Variants in EPHB1 observed in about 807,000 individuals in gnomAD.
The protein encoded by EPHB1 is EPH receptor B1.
In EPHB1, 30 loss-of-function variants were observed where a neutral mutation model predicts 94.4. The observed-to-expected ratio is 0.32, with a 90% confidence interval of 0.24 to 0.43. The LOEUF is 0.43. EPHB1 is among the 20% of genes least tolerant of loss of function. EPHB1 has a pLI of 1.00. For synonymous variants in EPHB1, 522 were observed against 489.1 expected, an observed-to-expected ratio of 1.07 and a Z score of -0.89; for missense variants, 1,055 against 1,308.3, an observed-to-expected ratio of 0.81 and a Z score of 2.99.
chr3:135,085,315 C>T (rs1031939035), intron 3 of EPHB1, among the ~76,000 whole-genome samples: 1 of 152,204 alleles, frequency 6.6e-6, no homozygotes. Context: ...AAGTTTATAG[C>T]CACACCACAT....
intron 3 of EPHB1, among the ~76,000 whole-genome samples, chr3:134,974,776 A>G (rs184659696): frequency 6.6e-6 from 1 of 152,252 alleles, no homozygotes; most frequent in Non-Finnish European, 1.5e-5. Context: ...TCCTTGAGTC[A>G]GACTGTGAGC....
chr3:135,231,985 G>A (rs1281017712), intron 12 of EPHB1, among the ~76,000 whole-genome samples: 1 of 152,214 alleles, frequency 6.6e-6, no homozygotes, highest in Non-Finnish European at 1.5e-5. Flanking sequence ...TCTTTCAGAA[G>A]ATGAGAGACT....
At chr3:134,985,279 G>A (rs534306160) in intron 3 of EPHB1, among the ~76,000 whole-genome samples, 1 of 151,954 alleles carries the variant, frequency 6.6e-6, no homozygotes, top group East Asian at 1.9e-4. Flanking sequence ...TCAGCCTCCC[G>A]AGTAGAGTAG....
chr3:135,236,089 A>C (rs1192218275), intron 12 of EPHB1, among the ~76,000 whole-genome samples: 2 of 152,162 alleles, frequency 1.3e-5, no homozygotes, highest in African/African-American at 4.8e-5. Flanking sequence ...TCACAAACTA[A>C]ACAGCTTTAA....
rs777989663 is a variant in EPHB1, at chr3:134,795,707, G to A, written c.58+18G>A. ...GATGGAAGGTAACGTACCCTCCACG[G>A]AGCAAGTTGGCTGCTGGTGCCGGCC... On this transcript the variant is annotated intron_variant, in intron 1 of 15. Coordinates refer to ENST00000398015, the MANE Select transcript of EPHB1 (RefSeq NM_004441.5). 3.1e-6 allele frequency: 5 copies of A among 1,608,270 alleles called. No homozygotes were observed. Among genetic ancestry groups the A allele is most frequent in the South Asian group, 1.1e-5 (1 of 90,464 alleles).
At position 135,173,180 on chromosome 3, in the gene EPHB1, G is replaced by A. The variant is rs1441684526; in HGVS notation, c.1759+6174G>A. On this transcript the variant is annotated intron_variant, in intron 9 of 15. Transcript: ENST00000398015. The stretch of plus-strand genomic sequence containing the variant: ...CTCCCAAGTAGCTGGGACTACAGGC[G>A]CGCGCCACTACGCCCGGCTAATTTT... Among the ~76,000 whole-genome samples, 3 of 150,230 alleles carry A rather than the reference G, an allele frequency of 2.0e-5. No homozygotes were observed. The East Asian group carries it at 5.9e-4, about 29-fold the overall frequency.
intron 4 of EPHB1, among the ~76,000 whole-genome samples, chr3:135,123,989 C>T (rs1468839104): frequency 6.6e-6 from 1 of 151,682 alleles, no homozygotes; most frequent in Non-Finnish European, 1.5e-5. Context: ...GCCCTCCTTA[C>T]AGTAACACCT....
At chr3:134,929,790 G>A in intron 2 of EPHB1, among the ~76,000 whole-genome samples, 1 of 152,212 alleles carries the variant, frequency 6.6e-6, no homozygotes, top group East Asian at 1.9e-4. Context: ...CATGGTGTGA[G>A]CTGCTGGAGC....
At chr3:134,994,685 T>C (rs112708057) in intron 3 of EPHB1, among the ~76,000 whole-genome samples, 96 of 152,298 alleles carry the variant, frequency 6.3e-4, no homozygotes, top group African/African-American at 2.3e-3. Flanking sequence ...CAGCCTCCCA[T>C]GCAGCTGGGA....
intron 12 of EPHB1, among the ~76,000 whole-genome samples, chr3:135,222,437 T>C (rs1480066315): frequency 6.6e-6 from 1 of 152,172 alleles, no homozygotes; most frequent in Non-Finnish European, 1.5e-5. Context: ...ATATGATCTT[T>C]TCTAGGATAT....
chr3:134,814,504 G>GAGT (rs1229134449), intron 1 of EPHB1, among the ~76,000 whole-genome samples: 2 of 152,186 alleles, frequency 1.3e-5, no homozygotes, highest in African/African-American at 4.8e-5. Context: ...ATGGTAACCA[G>GAGT]GATGGCTTCC....
At chr3:134,954,288 G>T (rs1450322385) in intron 3 of EPHB1, among the ~76,000 whole-genome samples, 1 of 152,206 alleles carries the variant, frequency 6.6e-6, no homozygotes, top group Non-Finnish European at 1.5e-5. Flanking sequence ...TCGAGCAAAA[G>T]TGGTGATCTT....
chr3:135,225,850 C>A (rs1029677083), intron 12 of EPHB1, among the ~76,000 whole-genome samples: 4 of 151,860 alleles, frequency 2.6e-5, no homozygotes, highest in South Asian at 2.1e-4. Context: ...GCAGGACAGG[C>A]AGGGAAGCAA....
At chr3:135,030,304 T>A (rs944780672) in intron 3 of EPHB1, among the ~76,000 whole-genome samples, 2 of 152,192 alleles carry the variant, frequency 1.3e-5, no homozygotes, top group Non-Finnish European at 2.9e-5. Flanking sequence ...GGCGCTCTGC[T>A]TTTTAGAGTT....
intron 1 of EPHB1, among the ~76,000 whole-genome samples, chr3:134,801,586 C>T (rs1426562324): frequency 4.6e-5 from 7 of 152,204 alleles, no homozygotes; most frequent in African/African-American, 1.7e-4. Flanking sequence ...TTCCATGTCT[C>T]CAAAGATGGT....
At position 135,248,417 on chromosome 3, in the gene EPHB1, C is replaced by T. The variant is rs1559890725; in HGVS notation, c.2598C>T (p.Asn866=). The T allele has an allele frequency of 6.2e-7, 1 of 1,613,998 alleles. No individual in the cohort carries two copies. Among genetic ancestry groups the T allele is most frequent in the East Asian group, 2.2e-5 (1 of 44,868 alleles). ...TGGACTGTTGGCAGAAGGACCGGAA[C>T]AGCCGGCCCCGGTTTGCGGAGATTG... ...LMLDCWQKDR[N]SRPRFAEIVN... is the part of the protein sequence containing the mutation. The change falls in exon 14 of 16, where the codon AAC becomes AAT. Residue 866 remains asparagine (N), a synonymous_variant. Transcript: ENST00000398015.
At chr3:134,866,777 C>T (rs1286274348) in intron 1 of EPHB1, among the ~76,000 whole-genome samples, 2 of 152,220 alleles carry the variant, frequency 1.3e-5, no homozygotes, top group Non-Finnish European at 2.9e-5. Flanking sequence ...ATCCATCTCT[C>T]CAGGGGCAGA....
intron 1 of EPHB1, among the ~76,000 whole-genome samples, chr3:134,803,772 C>T (rs2035979011): frequency 6.6e-6 from 1 of 152,218 alleles, no homozygotes; most frequent in Admixed American, 6.5e-5. Context: ...GCCTCTGTCT[C>T]CCAGTTCAGT....
intron 3 of EPHB1, among the ~76,000 whole-genome samples, chr3:135,030,804 T>C (rs371828807): frequency 1.2e-4 from 18 of 152,208 alleles, no homozygotes; most frequent in Non-Finnish European, 2.2e-4. Context: ...TGGGCAATGG[T>C]GGGCGCCCCT....
Sources: gnomAD v4.1 joint callset for allele counts (sites outside exome capture counted in the v4.1 genomes callset) on GRCh38, gnomAD v4.1.1 for gene constraint, MANE v1.5 for transcripts, NCBI Gene and HGNC (gene_info 2026-07-23, HGNC 2026-07-21) for gene names.